RBM5: variants seen among roughly 807,000 people sequenced by gnomAD.
RBM5 encodes the protein RNA binding motif protein 5, also known as RNA-binding protein 5.
In RBM5, 15 loss-of-function variants were observed where a neutral mutation model predicts 124.6. The ratio of observed to expected loss-of-function variants is 0.12; its 90% confidence interval spans 0.08 to 0.19. RBM5 has a LOEUF of 0.19. Ranked by LOEUF, RBM5 falls within the 10% of genes least tolerant of loss-of-function variation. RBM5 has a pLI of 1.00. For synonymous variants in RBM5, 337 were observed against 361.2 expected, an observed-to-expected ratio of 0.93 and a Z score of 0.76; for missense variants, 580 against 1,026.5, an observed-to-expected ratio of 0.57 and a Z score of 5.94.
intron 14 of RBM5, among the ~76,000 whole-genome samples, chr3:50,109,397 A>G (rs1358476525): frequency 6.6e-6 from 1 of 152,162 alleles, no homozygotes; most frequent in Non-Finnish European, 1.5e-5. Context: ...TAGCCATGAT[A>G]CAGAATCCTT....
At position 50,100,092 on chromosome 3, in the gene RBM5, C is replaced by A; in HGVS notation, c.409+41C>A. On this transcript the variant is annotated intron_variant, in intron 5 of 24. Coordinates refer to ENST00000347869, the MANE Select transcript of RBM5 (RefSeq NM_005778.4). The surrounding 1 kb of genome is among the most constrained non-coding windows in gnomAD (Gnocchi z 5.1). ...GTTCCTGATATTATTGTTCTCTTCC[C>A]CATTCCCACCTCAGTCCCTAAAGAA... The A allele has an allele frequency of 6.4e-7, 1 of 1,551,228 alleles. No individual in the cohort carries two copies. The highest frequency in any genetic ancestry group is 8.9e-7 in the Non-Finnish European group (1 of 1,127,210).
intron 4 of RBM5, among the ~76,000 whole-genome samples, chr3:50,096,465 G>C (rs988234205): frequency 2.0e-5 from 3 of 152,096 alleles, no homozygotes; most frequent in Non-Finnish European, 4.4e-5. Flanking sequence ...TCCAGCCTGA[G>C]CGACAGAGCA....
At chr3:50,112,366 A>G (rs1484955672) in intron 17 of RBM5, among the ~76,000 whole-genome samples, 1 of 145,962 alleles carries the variant, frequency 6.9e-6, no homozygotes, top group Non-Finnish European at 1.5e-5. Flanking sequence ...CAGTAAGCGA[A>G]TGTCGCGCCA....
intron 1 of RBM5, among the ~76,000 whole-genome samples, chr3:50,089,539 C>T (rs1424516027): frequency 6.6e-6 from 1 of 152,260 alleles, no homozygotes; most frequent in Non-Finnish European, 1.5e-5. Flanking sequence ...CGCGAGACCC[C>T]ACGGAGGTGG....
At position 50,093,866 on chromosome 3, in the gene RBM5, A is replaced by G. The variant is rs1199280996; in HGVS notation, c.330A>G (p.Thr110=). 4 of 1,610,880 alleles carry G rather than the reference A, an allele frequency of 2.5e-6. No individual in the cohort carries two copies. The highest frequency in any genetic ancestry group is 3.4e-6 in the Non-Finnish European group (4 of 1,177,316). The change falls in exon 4 of 25, where the codon ACA becomes ACG. Residue 110 remains threonine, a synonymous_variant. Transcript: ENST00000347869. ...IMLRGLPITI[T]ESDIREMMES... ...TGCGCGGCCTTCCCATCACCATCAC[A>G]GAGAGCGATGTAAGGGGAAATGACA...
At chr3:50,104,653 A>G in intron 8 of RBM5, 1 of 271,610 alleles carries the variant, frequency 3.7e-6, no homozygotes, top group South Asian at 8.0e-5. Context: ...CAAAAAAAAC[A>G]AAACAAAAAT....
Position 50,105,596 on chromosome 3 carries a change from A to G in RBM5, c.742A>G (p.Met248Val), listed in dbSNP as rs1229867271. The G allele has an allele frequency of 1.9e-6, 3 of 1,614,092 alleles. No homozygotes were observed. In the African/African-American group the frequency reaches 4.0e-5, roughly 22 times the overall value. Residue 248 changes from methionine to valine, a missense_variant, in exon 10 of 25, where the codon ATG becomes GTG. Physicochemically the swap from Met to Val is conservative, Grantham distance 21 (BLOSUM62 1). Coordinates refer to ENST00000347869, the MANE Select transcript of RBM5 (RefSeq NM_005778.4). ...IAPHTVVDSI[M>V]TALSPYASLA... ...TCCGCACACTGTGGTGGATTCCATC[A>G]TGACAGCACTGTCTCCTTACGCGTC...
rs1204761039 is a variant in RBM5 at position 50,105,518 on chromosome 3, T to C, written c.695-31T>C. ...TTGGTACATTGGTGGTGGGAATGCATGTGTATGTCATTTGTCTCATTTACC... is the reference window on the plus strand; with the variant it reads ...TTGGTACATTGGTGGTGGGAATGCACGTGTATGTCATTTGTCTCATTTACC... On this transcript the variant is annotated intron_variant, in intron 9 of 24. Transcript: ENST00000347869. 10 of 1,603,832 alleles carry C rather than the reference T, an allele frequency of 6.2e-6. No individual in the cohort carries two copies. In the Admixed American group the frequency reaches 6.7e-5, roughly 11 times the overall value.
intron 14 of RBM5, among the ~76,000 whole-genome samples, chr3:50,108,762 A>C (rs1277904680): frequency 6.6e-6 from 1 of 152,142 alleles, no homozygotes; most frequent in Non-Finnish European, 1.5e-5. Context: ...TCATGTACCC[A>C]AGGTTCTGGG....
chr3:50,098,605 G>C (rs1156792857), intron 4 of RBM5, among the ~76,000 whole-genome samples: 1 of 152,028 alleles, frequency 6.6e-6, no homozygotes, highest in Non-Finnish European at 1.5e-5. Context: ...ACCACGTCTG[G>C]CTGATTTTTT....
intron 11 of RBM5, 109 bp from the exon 12 acceptor site, chr3:50,107,373 C>T (rs977944890): frequency 3.4e-6 from 3 of 883,082 alleles, no homozygotes; most frequent in Non-Finnish European, 5.6e-6. Context: ...TGTGGCCTTG[C>T]TGGCATTTGA....
chr3:50,095,584 A>G (rs2090796958), intron 4 of RBM5, among the ~76,000 whole-genome samples: 3 of 151,790 alleles, frequency 2.0e-5, no homozygotes, highest in Non-Finnish European at 2.9e-5. Flanking sequence ...GACTTTGGAC[A>G]TGTCCATTGC....
intron 4 of RBM5, among the ~76,000 whole-genome samples, chr3:50,094,867 T>C (rs1191609948): frequency 6.6e-6 from 1 of 152,170 alleles, no homozygotes; most frequent in African/African-American, 2.4e-5. Context: ...TTTTTCTGTC[T>C]TTAGGGAAAA....
intron 1 of RBM5, among the ~76,000 whole-genome samples, chr3:50,089,565 G>A (rs1228999982): frequency 6.6e-6 from 1 of 152,252 alleles, no homozygotes; most frequent in Non-Finnish European, 1.5e-5. Context: ...GGCACCGCCC[G>A]GGAGACAAGG....
chr3:50,118,946 A>C lies in RBM5; in HGVS notation c.*490A>C, dbSNP rs1379756216. The C allele has an allele frequency of 6.5e-6, 1 of 154,288 alleles. No individual in the cohort carries two copies. Among genetic ancestry groups the C allele is most frequent in the African/African-American group, 2.4e-5 (1 of 41,486 alleles). The allele number at this position is 154,288 out of a possible 1,614,324, so 9.6% of individuals were successfully genotyped here. The stretch of plus-strand genomic sequence containing the variant: ...GCCAAATCTGGCTCCTTTACAAAAG[A>C]AATACCTTGAGAAATGGGTGTCCTG... On this transcript the variant is annotated 3_prime_UTR_variant, in exon 25 of 25. Coordinates refer to ENST00000347869, the MANE Select transcript of RBM5 (RefSeq NM_005778.4).
At chr3:50,108,182 T>C (rs2091074527) in intron 13 of RBM5, 35 bp downstream of exon 13, 1 of 1,602,118 alleles carries the variant, frequency 6.2e-7, no homozygotes, top group Non-Finnish European at 8.6e-7. Context: ...CCTTATAGTC[T>C]TGCAGAGTGT....
intron 14 of RBM5, 100 bp from the exon 15 acceptor site, chr3:50,109,503 A>C: frequency 1.1e-6 from 1 of 920,234 alleles, no homozygotes; most frequent in Non-Finnish European, 1.8e-6. Flanking sequence ...GAACTGACAT[A>C]TACAATGACA....
Position 50,117,448 on chromosome 3 carries a change from A to G in RBM5, c.2322+69A>G. ...CCGGTTCCAGAGATGAGATCAGAGC[A>G]CTCATAGAGCCTGGGAGCCAGGAGC... is the stretch of plus-strand genomic sequence containing the variant. On this transcript the variant is annotated intron_variant, in intron 24 of 24. Coordinates refer to ENST00000347869, the MANE Select transcript of RBM5 (RefSeq NM_005778.4). This position sits in a 1 kb window ranked among gnomAD's most constrained non-coding sequence, Gnocchi z 4.2. 1 of 1,589,848 alleles carries G rather than the reference A, an allele frequency of 6.3e-7. No homozygotes were observed. Among genetic ancestry groups the G allele is most frequent in the Non-Finnish European group, 8.6e-7 (1 of 1,165,422 alleles).
intron 18 of RBM5, 93 bp downstream of exon 18, chr3:50,113,637 T>C (rs1290753482): frequency 1.5e-6 from 2 of 1,362,926 alleles, no homozygotes; most frequent in Admixed American, 3.0e-5. Flanking sequence ...ATTTGGATTC[T>C]TAAAAATTGG....
Sources: allele counts gnomAD v4.1 joint callset (sites outside exome capture counted in the v4.1 genomes callset), GRCh38; gene constraint gnomAD v4.1.1; non-coding constraint Gnocchi (gnomAD v3.1); transcripts MANE v1.5; gene names NCBI Gene and HGNC (gene_info 2026-07-23, HGNC 2026-07-21).